Variants in IRX1 observed in about 807,000 individuals in gnomAD.
IRX1 encodes iroquois homeobox 1.
In IRX1, 22 loss-of-function variants were observed where a neutral mutation model predicts 34.1. That is an observed-to-expected ratio of 0.64 (90% CI 0.46 to 0.92). IRX1 has a LOEUF of 0.92. IRX1 is among the 40% of genes least tolerant of loss of function. IRX1 has a pLI of 0.00. For missense variants in IRX1, 758 were observed against 680.0 expected, an observed-to-expected ratio of 1.11 and a Z score of -1.28; for synonymous variants, 363 against 319.0, an observed-to-expected ratio of 1.14 and a Z score of -1.47.
intron 1 of IRX1, 22 bp downstream of exon 1, chr5:3,596,403 C>T (rs746971580): frequency 2.0e-6 from 3 of 1,488,968 alleles, no homozygotes; most frequent in Non-Finnish European, 1.8e-6. Context: ...CGGCCTCCCC[C>T]GCTTCTCCTC....
rs775143661 is a variant in IRX1, at chr5:3,596,253, G to T, written c.148G>T (p.Gly50Cys). Residue 50 changes from glycine to cysteine, a missense_variant, in exon 1 of 4, where the codon GGC becomes TGC. Physicochemically the swap from Gly to Cys is radical, Grantham distance 159. Transcript: ENST00000302006. ...CCGACCGGGGGCCGCGGAGCTGGGC[G>T]GCGGGGCAGGCGCGGCTGCAGTCAC... ...SGRPGAAELG[G>C]GAGAAAVTSV... is the part of the protein sequence containing the mutation. The T allele has an allele frequency of 1.7e-6, 2 of 1,205,362 alleles. No homozygotes were observed. The highest frequency in any genetic ancestry group is 6.7e-5 in the East Asian group (2 of 29,994). 74.7% of individuals were successfully genotyped at this position (1,205,362 alleles called of 1,614,324 possible).
In IRX1 at chr5:3,596,166, G is replaced by A. The variant is rs1359957447; in HGVS notation, c.61G>A (p.Gly21Ser). The change falls in exon 1 of 4, where the codon GGC becomes AGC. Residue 21 changes from glycine (G) to serine (S), a missense_variant. Physicochemically the swap from Gly to Ser is moderately conservative, Grantham distance 56. Around this residue, in one of 3 missense-constraint regions of IRX1, gnomAD observed 195 missense variants for 195.0 expected, o/e 1.00. Coordinates refer to ENST00000302006, the MANE Select transcript of IRX1 (RefSeq NM_024337.4). ...GAGCGCCGCGGGGCCGGGCGCCTAC[G>A]GCGGCGAGCGCCCGGGGGTGCTGGC... ...YLSAAGPGAY[G>S]GERPGVLAAA... 11 of 1,029,590 alleles carry A rather than the reference G, an allele frequency of 1.1e-5. No homozygotes were observed. The highest frequency in any genetic ancestry group is 8.9e-5 in the South Asian group (2 of 22,458). The allele number at this position is 1,029,590 out of a possible 1,614,324, so 63.8% of individuals were successfully genotyped here.
Position 3,599,894 on chromosome 5 carries a change from A to C in IRX1, c.946A>C (p.Ile316Leu). Residue 316 changes from isoleucine (I) to leucine (L), a missense_variant, in exon 2 of 4, where the codon ATC becomes CTC. Around this residue, in one of 3 missense-constraint regions of IRX1, gnomAD observed 529 missense variants for 418.8 expected, o/e 1.26. Coordinates refer to ENST00000302006, the MANE Select transcript of IRX1 (RefSeq NM_024337.4). This position sits in a 1 kb window ranked among gnomAD's most constrained non-coding sequence, Gnocchi z 6.6. ...LQGAPHGKPKIWSLAETATSP... is the reference protein window; with the variant it reads ...LQGAPHGKPKLWSLAETATSP... ...GGGTGCGCCGCACGGCAAGCCCAAG[A>C]TCTGGTCGCTGGCGGAGACAGCCAC... The C allele has an allele frequency of 6.7e-7, 1 of 1,484,802 alleles. No individual in the cohort carries two copies. Among genetic ancestry groups the C allele is most frequent in the Non-Finnish European group, 8.9e-7 (1 of 1,119,052 alleles). The allele number at this position is 1,484,802 out of a possible 1,614,324, so 92.0% of individuals were successfully genotyped here.
chr5:3,600,929 C>T, intron 3 of IRX1, 54 bp from the exon 4 acceptor site: 1 of 1,554,668 alleles, frequency 6.4e-7, no homozygotes, highest in South Asian at 1.1e-5. Context: ...CCCGGCGCTG[C>T]GTCCCCCACT....
At chr5:3,598,679 T>A (rs1733861635) in intron 1 of IRX1, among the ~76,000 whole-genome samples, 1 of 152,196 alleles carries the variant, frequency 6.6e-6, no homozygotes. Flanking sequence ...GCTGGCGGAT[T>A]TAGACCGGTA....
At chr5:3,598,026 C>A (rs1326121142) in intron 1 of IRX1, among the ~76,000 whole-genome samples, 1 of 152,130 alleles carries the variant, frequency 6.6e-6, no homozygotes, top group African/African-American at 2.4e-5. Flanking sequence ...TTTTTCCCAC[C>A]TAGAGGGATA....
Position 3,599,700 on chromosome 5 carries a change from C to T in IRX1, c.752C>T (p.Ala251Val), listed in dbSNP as rs750970798. The stretch of plus-strand genomic sequence containing the variant: ...GAGGATGACGAGGACAAGGCCGAGG[C>T]TCCGCACGCGCCCGCAGCCCCTTCT... ...SNEDDEDKAE[A>V]PHAPAAPSAL... The change falls in exon 2 of 4, where the codon GCT becomes GTT. Residue 251 changes from alanine to valine, a missense_variant. Transcript: ENST00000302006. This position sits in a 1 kb window ranked among gnomAD's most constrained non-coding sequence, Gnocchi z 6.6. 5 of 1,613,016 alleles carry T rather than the reference C, an allele frequency of 3.1e-6. No homozygotes were observed. The Admixed American group carries it at 8.3e-5, about 27-fold the overall frequency.
In IRX1 at chr5:3,599,653, G is replaced by A. The variant is rs769680197; in HGVS notation, c.705G>A (p.Glu235=). ...GCATCGACATTGACAAGATCGACGAGCACGATGGCGACCAGAGCAACGAGG... is the reference window on the plus strand; with the variant it reads ...GCATCGACATTGACAAGATCGACGAACACGATGGCGACCAGAGCAACGAGG... ...LESIDIDKID[E]HDGDQSNEDD... The change falls in exon 2 of 4, where the codon GAG becomes GAA. Residue 235 remains glutamate (E), a synonymous_variant. Transcript: ENST00000302006. This position sits in a 1 kb window ranked among gnomAD's most constrained non-coding sequence, Gnocchi z 6.6. 1 of 1,613,848 alleles carries A rather than the reference G, an allele frequency of 6.2e-7. No homozygotes were observed. The highest frequency in any genetic ancestry group is 2.2e-5 in the East Asian group (1 of 44,848).
At chr5:3,597,364 C>G (rs1181995923) in intron 1 of IRX1, among the ~76,000 whole-genome samples, 2 of 152,188 alleles carry the variant, frequency 1.3e-5, no homozygotes, top group African/African-American at 4.8e-5. Context: ...AGGCAGCCCC[C>G]TCCTGGGTCG....
At chr5:3,600,804 C>G in intron 3 of IRX1, 123 bp downstream of exon 3, 2 of 1,158,154 alleles carry the variant, frequency 1.7e-6, no homozygotes, top group Non-Finnish European at 2.5e-6. Context: ...TGAAGGAGCG[C>G]TCCCCGCCAG....
rs919910052 is a variant in IRX1, at chr5:3,596,252, C to T, written c.147C>T (p.Gly49=). 45 of 1,201,578 alleles carry T rather than the reference C, an allele frequency of 3.7e-5. No individual in the cohort carries two copies. The highest frequency in any genetic ancestry group is 1.3e-4 in the African/African-American group (8 of 62,910). The allele number at this position is 1,201,578 out of a possible 1,614,324, so 74.4% of individuals were successfully genotyped here. A position where few individuals can be genotyped will look rare whatever the true frequency, so the allele number is the denominator to read the frequency against. ...SSGRPGAAEL[G]GGAGAAAVTS... ...GCCGACCGGGGGCCGCGGAGCTGGG[C>T]GGCGGGGCAGGCGCGGCTGCAGTCA... Residue 49 remains glycine, a synonymous_variant, in exon 1 of 4, where the codon GGC becomes GGT. Transcript: ENST00000302006.
Position 3,596,234 on chromosome 5 carries a change from G to T in IRX1, c.129G>T (p.Pro43=). The change falls in exon 1 of 4, where the codon CCG becomes CCT. Residue 43 remains proline (P), a synonymous_variant. Coordinates refer to ENST00000302006, the MANE Select transcript of IRX1 (RefSeq NM_024337.4). The part of the protein sequence containing the change: ...AAAAAASSGR[P]GAAELGGGAG... ...CTGCCGCCGCCTCGTCGGGCCGACCGGGGGCCGCGGAGCTGGGCGGCGGGG... is the reference window on the plus strand; with the variant it reads ...CTGCCGCCGCCTCGTCGGGCCGACCTGGGGCCGCGGAGCTGGGCGGCGGGG... 1 of 1,146,112 alleles carries T rather than the reference G, an allele frequency of 8.7e-7. No individual in the cohort carries two copies. The highest frequency in any genetic ancestry group is 4.0e-5 in the East Asian group (1 of 25,014). 71.0% of individuals were successfully genotyped at this position (1,146,112 alleles called of 1,614,324 possible).
chr5:3,601,261 T>C lies in IRX1; in HGVS notation c.*221T>C. 3.4e-6 allele frequency: 2 copies of C among 588,628 alleles called. No individual in the cohort carries two copies. The highest frequency in any genetic ancestry group is 4.0e-5 in the South Asian group (2 of 50,078). The allele number at this position is 588,628 out of a possible 1,614,324, so 36.5% of individuals were successfully genotyped here. A position where few individuals can be genotyped will look rare whatever the true frequency, so the allele number is the denominator to read the frequency against. On this transcript the variant is annotated 3_prime_UTR_variant, in exon 4 of 4. Transcript: ENST00000302006. ...CTGCCGGCGGCTCCAGTGGCTGCGA[T>C]TATCGGGTTCGGTAAATGCCCCCAC...
At chr5:3,598,067 G>A (rs1482113914) in intron 1 of IRX1, among the ~76,000 whole-genome samples, 2 of 152,144 alleles carry the variant, frequency 1.3e-5, no homozygotes, top group Admixed American at 1.3e-4. Flanking sequence ...CCCAAAAGGT[G>A]TGTGTTTCTC....
In IRX1 at chr5:3,601,068, GGGGAGGGGGGAGGAGTTGGGGA is replaced by G; in HGVS notation, c.*36_*57del. Reference sequence around the variant, plus strand: ...AAGGGTCTTCTTTTACTTTTGCGGGGGGGAGGGGGGAGGAGTTGGGGAGGGAGGGAATGTGGGAGGAATTAAG... The same window carrying G: ...AAGGGTCTTCTTTTACTTTTGCGGGGGGGAGGGAATGTGGGAGGAATTAAG... On this transcript the variant is annotated 3_prime_UTR_variant, in exon 4 of 4. Coordinates refer to ENST00000302006, the MANE Select transcript of IRX1 (RefSeq NM_024337.4). 1 of 1,590,192 alleles carries G rather than the reference GGGGAGGGGGGAGGAGTTGGGGA, an allele frequency of 6.3e-7. No individual in the cohort carries two copies. The highest frequency in any genetic ancestry group is 8.6e-7 in the Non-Finnish European group (1 of 1,159,156).
Position 3,600,619 on chromosome 5 carries a change from C to T in IRX1, c.1323C>T (p.Leu441=), listed in dbSNP as rs370521377. ...RSSPTLPERD[L]VPRPDSPAQQ... is the part of the protein sequence containing the mutation. ...TCCGATCTCTCGCAGAGAGAGACCT[C>T]GTCCCCAGGCCAGATTCGCCGGCAC... The change falls in exon 3 of 4, where the codon CTC becomes CTT. Residue 441 remains leucine, a synonymous_variant. Transcript: ENST00000302006. 2.0e-5 allele frequency: 32 copies of T among 1,613,476 alleles called. No homozygotes were observed. The South Asian group carries it at 3.3e-4, about 17-fold the overall frequency.
chr5:3,600,932 C>A lies in IRX1; in HGVS notation c.1386-51C>A, dbSNP rs751713163. ...GAACCGGCGTCGCCCGGCGCTGCGTCCCCCACTCACAGTGCCCCTGTCTTC... is the reference window on the plus strand; with the variant it reads ...GAACCGGCGTCGCCCGGCGCTGCGTACCCCACTCACAGTGCCCCTGTCTTC... On this transcript the variant is annotated intron_variant, in intron 3 of 3. Transcript: ENST00000302006. 1.9e-6 allele frequency: 3 copies of A among 1,567,938 alleles called. No homozygotes were observed. In the African/African-American group the frequency reaches 4.1e-5, roughly 21 times the overall value.
At chr5:3,600,358 C>A in intron 2 of IRX1, 98 bp downstream of exon 2, 1 of 1,209,266 alleles carries the variant, frequency 8.3e-7, no homozygotes, top group Non-Finnish European at 1.1e-6. Context: ...GGGAGGGTAC[C>A]AGGCAGTGGC....
At chr5:3,598,230 T>A (rs2111296465) in intron 1 of IRX1, among the ~76,000 whole-genome samples, 1 of 152,320 alleles carries the variant, frequency 6.6e-6, no homozygotes, top group East Asian at 1.9e-4. Context: ...TAATGAGGCC[T>A]AATGAGGTTG....
Sources: allele counts gnomAD v4.1 joint callset (sites outside exome capture counted in the v4.1 genomes callset), GRCh38; gene constraint gnomAD v4.1.1; regional missense constraint gnomAD v4.1.1; non-coding constraint Gnocchi (gnomAD v3.1); transcripts MANE v1.5; gene names NCBI Gene and HGNC (gene_info 2026-07-23, HGNC 2026-07-21).